Variants in PELI2 observed in about 807,000 individuals in gnomAD.
The protein encoded by PELI2 is pellino E3 ubiquitin protein ligase family member 2.
In PELI2, 23 loss-of-function variants were observed where a neutral mutation model predicts 42.3. The observed-to-expected ratio is 0.54, with a 90% confidence interval of 0.39 to 0.77. The LOEUF is 0.77. Ranked by LOEUF, PELI2 falls within the 30% of genes least tolerant of loss-of-function variation. PELI2 has a pLI of 0.00. For synonymous variants in PELI2, 245 were observed against 212.2 expected, an observed-to-expected ratio of 1.15 and a Z score of -1.34; for missense variants, 463 against 553.2, an observed-to-expected ratio of 0.84 and a Z score of 1.64.
intron 2 of PELI2, among the ~76,000 whole-genome samples, chr14:56,262,715 A>G (rs944636291): frequency 1.3e-5 from 2 of 152,112 alleles, no homozygotes; most frequent in African/African-American, 4.8e-5. Flanking sequence ...CTGAGCCTCA[A>G]GCTGAGTGCC....
chr14:56,183,349 A>G (rs1885656219), intron 2 of PELI2, among the ~76,000 whole-genome samples: 1 of 152,200 alleles, frequency 6.6e-6, no homozygotes, highest in African/African-American at 2.4e-5. Context: ...GATTATTTCA[A>G]CAAAAAATAA....
At chr14:56,257,686 T>A (rs1888570968) in intron 2 of PELI2, among the ~76,000 whole-genome samples, 1 of 152,194 alleles carries the variant, frequency 6.6e-6, no homozygotes, top group Non-Finnish European at 1.5e-5. Flanking sequence ...AAATGACTGG[T>A]TGCAGACAAC....
At chr14:56,191,160 G>T (rs893432633) in intron 2 of PELI2, among the ~76,000 whole-genome samples, 1 of 152,110 alleles carries the variant, frequency 6.6e-6, no homozygotes, top group Non-Finnish European at 1.5e-5. Context: ...TGAGGTCCTG[G>T]ACAGCAGGAC....
At chr14:56,202,893 T>C (rs1886383777) in intron 2 of PELI2, among the ~76,000 whole-genome samples, 1 of 151,994 alleles carries the variant, frequency 6.6e-6, no homozygotes. Context: ...AAGACCAAAA[T>C]TAAATAAAAA....
At chr14:56,140,426 C>G (rs141161304) in intron 1 of PELI2, among the ~76,000 whole-genome samples, 1 of 152,296 alleles carries the variant, frequency 6.6e-6, no homozygotes, top group East Asian at 1.9e-4. Flanking sequence ...GTAGATACAA[C>G]AATAATGTCT....
At chr14:56,246,088 A>G (rs1204861947) in intron 2 of PELI2, among the ~76,000 whole-genome samples, 1 of 152,062 alleles carries the variant, frequency 6.6e-6, no homozygotes, top group African/African-American at 2.4e-5. Context: ...GTTACAGGAG[A>G]CTTCAGGAGT....
intron 2 of PELI2, among the ~76,000 whole-genome samples, chr14:56,254,501 T>C (rs2139821314): frequency 6.6e-6 from 1 of 151,854 alleles, no homozygotes; most frequent in South Asian, 2.1e-4. Flanking sequence ...CAAGCTGGAC[T>C]AAAGACTTAA....
chr14:56,291,725 T>G (rs1423156003), intron 5 of PELI2, among the ~76,000 whole-genome samples: 1 of 152,236 alleles, frequency 6.6e-6, no homozygotes, highest in Non-Finnish European at 1.5e-5. Context: ...GGGTGCAGAC[T>G]CTGCGTTAAC....
intron 2 of PELI2, among the ~76,000 whole-genome samples, chr14:56,203,311 G>C (rs1161473887): frequency 6.6e-6 from 1 of 152,150 alleles, no homozygotes; most frequent in Non-Finnish European, 1.5e-5. Context: ...CCTCACTCCA[G>C]CCTGGGTGAC....
intron 2 of PELI2, among the ~76,000 whole-genome samples, chr14:56,184,944 T>C (rs566529872): frequency 9.9e-5 from 15 of 152,262 alleles, no homozygotes; most frequent in African/African-American, 3.4e-4. Flanking sequence ...CATGATTTGA[T>C]GAATGGTTGC....
intron 1 of PELI2, among the ~76,000 whole-genome samples, chr14:56,134,978 C>G (rs1361827662): frequency 6.6e-6 from 1 of 152,048 alleles, no homozygotes; most frequent in Non-Finnish European, 1.5e-5. Flanking sequence ...AATGAAATTT[C>G]TAAAATTCAA....
intron 3 of PELI2, among the ~76,000 whole-genome samples, chr14:56,281,563 G>A (rs1889482631): frequency 6.6e-6 from 1 of 151,988 alleles, no homozygotes; most frequent in South Asian, 2.1e-4. Context: ...TATTTTATGT[G>A]GTTTTTAAAT....
intron 2 of PELI2, among the ~76,000 whole-genome samples, chr14:56,255,056 A>G (rs1016223267): frequency 1.3e-5 from 2 of 152,206 alleles, no homozygotes; most frequent in South Asian, 2.1e-4. Flanking sequence ...AATTAGTTCA[A>G]TCATTGTGAA....
rs1340558971 is a variant in PELI2, at chr14:56,197,911, G to A, written c.207+19447G>A. Among the ~76,000 whole-genome samples, 1 of 98,170 alleles carries A rather than the reference G, an allele frequency of 1.0e-5. No homozygotes were observed. Among genetic ancestry groups the A allele is most frequent in the African/African-American group, 4.2e-5 (1 of 23,646 alleles). The allele number at this position is 98,170 out of a possible 152,430, so 64.4% of individuals were successfully genotyped here. On this transcript the variant is annotated intron_variant, in intron 2 of 5. Coordinates refer to ENST00000267460, the MANE Select transcript of PELI2 (RefSeq NM_021255.3). The surrounding 1 kb of genome is among the most constrained non-coding windows in gnomAD (Gnocchi z 4.9). ...ACACACACACCAGGAATGGTGACTG[G>A]TGAAGACACACACACACACACACAC...
chr14:56,163,189 G>T (rs1459045269), intron 1 of PELI2, among the ~76,000 whole-genome samples: 1 of 152,066 alleles, frequency 6.6e-6, no homozygotes, highest in African/African-American at 2.4e-5. Context: ...GTGTTTGCTT[G>T]TAGTAATTTC....
rs1885488938 is a variant in PELI2 at position 56,179,056 on chromosome 14, AGTGAATAAAATGCTAATTAAAAAAAACTG to A, written c.207+595_207+623del. On this transcript the variant is annotated intron_variant, in intron 2 of 5. Coordinates refer to ENST00000267460, the MANE Select transcript of PELI2 (RefSeq NM_021255.3). Reference sequence around the variant, plus strand: ...ACATATTTTTTTCTCATAATTTTGAAGTGAATAAAATGCTAATTAAAAAAAACTGGTTATTTGTTTTCTGATCTATAAGT... The same window carrying A: ...ACATATTTTTTTCTCATAATTTTGAAGTTATTTGTTTTCTGATCTATAAGT... Among the ~76,000 whole-genome samples, 4 of 152,190 alleles carry A rather than the reference AGTGAATAAAATGCTAATTAAAAAAAACTG, an allele frequency of 2.6e-5. No homozygotes were observed. In the South Asian group the frequency reaches 8.3e-4, roughly 32 times the overall value.
intron 2 of PELI2, among the ~76,000 whole-genome samples, chr14:56,265,284 A>T (rs1401572028): frequency 1.3e-5 from 2 of 152,160 alleles, no homozygotes; most frequent in Non-Finnish European, 2.9e-5. Flanking sequence ...GTGTAAAGAT[A>T]GATAAATAGA....
At chr14:56,275,316 A>G (rs769770095) in intron 2 of PELI2, among the ~76,000 whole-genome samples, 27 of 152,190 alleles carry the variant, frequency 1.8e-4, no homozygotes, top group Admixed American at 3.3e-4. Flanking sequence ...GTGAAAAACA[A>G]TTTCTCCACG....
At position 56,241,538 on chromosome 14, in the gene PELI2, A is replaced by G. The variant is rs116048095; in HGVS notation, c.208-38138A>G. ...CCAGAGGACAGGCTGTGTCCAGTGCACTAGAGGCACAGGAGTTGGGGGGAA... is the reference window on the plus strand; with the variant it reads ...CCAGAGGACAGGCTGTGTCCAGTGCGCTAGAGGCACAGGAGTTGGGGGGAA... On this transcript the variant is annotated intron_variant, in intron 2 of 5. Coordinates refer to ENST00000267460, the MANE Select transcript of PELI2 (RefSeq NM_021255.3). 3.6e-3 allele frequency among the ~76,000 whole-genome samples: 547 copies of G among 152,266 alleles called. 6 individuals carry two copies. The highest frequency in any genetic ancestry group is 0.013 in the African/African-American group (527 of 41,554).
Sources: gnomAD v4.1 joint callset for allele counts (sites outside exome capture counted in the v4.1 genomes callset) on GRCh38, gnomAD v4.1.1 for gene constraint, Gnocchi (gnomAD v3.1) non-coding constraint, MANE v1.5 for transcripts, NCBI Gene and HGNC (gene_info 2026-07-23, HGNC 2026-07-21) for gene names.